SCAF4: variants seen among roughly 807,000 people sequenced by gnomAD.
The protein encoded by SCAF4 is SR-related CTD associated factor 4, also known as SR-related and CTD-associated factor 4.
Under a neutral mutation model 129.8 loss-of-function variants are expected in SCAF4, and 25 were observed. The observed-to-expected ratio is 0.19, with a 90% confidence interval of 0.14 to 0.27. The LOEUF (loss-of-function observed/expected upper bound fraction) is 0.27, where lower values mean the gene tolerates loss of function less well. Ranked by LOEUF, SCAF4 falls within the 10% of genes least tolerant of loss-of-function variation. The pLI is 1.00. For missense variants in SCAF4, 1,246 were observed against 1,457.1 expected (o/e 0.86, Z 2.36); for synonymous variants, 551 against 497.7 (o/e 1.11, Z -1.43).
At chr21:31,722,073 AT>A (rs1010572115) in intron 1 of SCAF4, among the ~76,000 whole-genome samples, 3 of 152,172 alleles carry the variant, frequency 2.0e-5, no homozygotes, top group African/African-American at 7.2e-5. Context: ...CCCCCAAAAT[AT>A]TTTGGCAATA....
intron 19 of SCAF4, among the ~76,000 whole-genome samples, chr21:31,675,909 G>A (rs78737450): frequency 0.019 from 2,867 of 152,258 alleles, 45 homozygotes; most frequent in Middle Eastern, 0.048. Context: ...AAGGAAGGTT[G>A]ATTTCATAGT....
intron 19 of SCAF4, among the ~76,000 whole-genome samples, chr21:31,678,879 C>T (rs1353979846): frequency 6.6e-6 from 1 of 152,250 alleles, no homozygotes; most frequent in East Asian, 1.9e-4. Flanking sequence ...CCCAGGTCTG[C>T]GAAAATATAA....
At chr21:31,704,939 G>C (rs1285726824) in intron 3 of SCAF4, among the ~76,000 whole-genome samples, 7 of 152,188 alleles carry the variant, frequency 4.6e-5, no homozygotes, top group Admixed American at 6.5e-5. Context: ...CTCCAGGTCA[G>C]GGGTTAAGAC....
At chr21:31,706,462 C>T (rs1202239528) in intron 1 of SCAF4, 105 bp from the exon 2 acceptor site, 2 of 753,564 alleles carry the variant, frequency 2.7e-6, no homozygotes, top group African/African-American at 1.8e-5. Context: ...ACAAACGGGG[C>T]CGGGGTGGTG....
intron 19 of SCAF4, among the ~76,000 whole-genome samples, chr21:31,676,120 G>A (rs1208438152): frequency 6.6e-6 from 1 of 152,136 alleles, no homozygotes; most frequent in Non-Finnish European, 1.5e-5. Flanking sequence ...ATTTTGCAGA[G>A]GATGCAAAAT....
At chr21:31,700,056 G>A (rs2050485137) in intron 7 of SCAF4, among the ~76,000 whole-genome samples, 1 of 151,626 alleles carries the variant, frequency 6.6e-6, no homozygotes, top group Non-Finnish European at 1.5e-5. Context: ...GAATTCCTGG[G>A]GCCAAGCAAC....
At chr21:31,699,549 ATG>A (rs2050471782) in intron 7 of SCAF4, among the ~76,000 whole-genome samples, 1 of 151,810 alleles carries the variant, frequency 6.6e-6, no homozygotes, top group Non-Finnish European at 1.5e-5. Flanking sequence ...ACTCAAAAAA[ATG>A]TATCCAACTT....
intron 1 of SCAF4, among the ~76,000 whole-genome samples, chr21:31,724,020 C>T (rs1266750108): frequency 2.0e-5 from 3 of 152,192 alleles, no homozygotes; most frequent in Admixed American, 2.0e-4. Flanking sequence ...GTACAGTGCA[C>T]TTTACTGGAA....
chr21:31,679,246 C>A (rs1422591176), intron 19 of SCAF4, among the ~76,000 whole-genome samples: 1 of 152,154 alleles, frequency 6.6e-6, no homozygotes, highest in Non-Finnish European at 1.5e-5. Flanking sequence ...TTTGCATGAA[C>A]TAAACATGAA....
intron 15 of SCAF4, 89 bp from the exon 16 acceptor site, chr21:31,688,553 C>A: frequency 9.3e-7 from 1 of 1,077,990 alleles, no homozygotes; most frequent in Non-Finnish European, 1.4e-6. Flanking sequence ...TTATAAAAAC[C>A]TAGCCCAGTT....
In SCAF4 at chr21:31,692,404, G is replaced by A; in HGVS notation, c.1559C>T (p.Thr520Ile). Reference protein sequence around the residue: ...LWVGQLDKRTTQQDVASLLEE... With the variant: ...LWVGQLDKRTIQQDVASLLEE... ...CAAGAGACTGGCAACATCCTGCTGA[G>A]TAGTTCTTTTGTCCAGCTGCCCCAC... The change falls in exon 13 of 20, where the codon ACT (threonine) becomes ATT (isoleucine). Residue 520 changes from threonine (T) to isoleucine (I), a missense_variant. Around this residue, in one of 6 missense-constraint regions of SCAF4, gnomAD observed 468 missense variants for 605.5 expected, o/e 0.77. Coordinates refer to ENST00000286835, the MANE Select transcript of SCAF4 (RefSeq NM_020706.2). 6.2e-7 allele frequency: 1 copy of A among 1,614,008 alleles called. No individual in the cohort carries two copies. Among genetic ancestry groups the A allele is most frequent in the Non-Finnish European group, 8.5e-7 (1 of 1,179,952 alleles).
chr21:31,708,812 T>G (rs1166859993), intron 1 of SCAF4, among the ~76,000 whole-genome samples: 1 of 152,190 alleles, frequency 6.6e-6, no homozygotes, highest in East Asian at 1.9e-4. Context: ...CTTAAGACAC[T>G]GCTATATTTT....
chr21:31,716,799 T>C (rs1241350240), intron 1 of SCAF4, among the ~76,000 whole-genome samples: 1 of 152,136 alleles, frequency 6.6e-6, no homozygotes, highest in African/African-American at 2.4e-5. Context: ...GGGTTAATAC[T>C]TTTTTAATAT....
chr21:31,706,890 G>T, intron 1 of SCAF4: 1 of 303,748 alleles, frequency 3.3e-6, no homozygotes. Flanking sequence ...TGTCTTATCA[G>T]TGGTCTCTGT....
intron 7 of SCAF4, among the ~76,000 whole-genome samples, chr21:31,700,471 A>G (rs2050497872): frequency 6.6e-6 from 1 of 152,006 alleles, no homozygotes; most frequent in Admixed American, 6.6e-5. Flanking sequence ...GGAATGGCTG[A>G]ACTGTAATGT....
At chr21:31,718,006 C>T (rs546312705) in intron 1 of SCAF4, among the ~76,000 whole-genome samples, 9 of 151,992 alleles carry the variant, frequency 5.9e-5, no homozygotes, top group African/African-American at 1.4e-4. Context: ...TGCAATGGCG[C>T]GATCTCGGCT....
In SCAF4 at chr21:31,671,573, G is replaced by C. The variant is rs201240032; in HGVS notation, c.3270C>G (p.Asn1090Lys). 1.5e-5 allele frequency: 24 copies of C among 1,614,140 alleles called. No individual in the cohort carries two copies. In the East Asian group the frequency reaches 5.1e-4, roughly 34 times the overall value. The change falls in exon 20 of 20, where the codon AAC becomes AAG. Residue 1090 changes from asparagine to lysine, a missense_variant. Around this residue, in one of 6 missense-constraint regions of SCAF4, gnomAD observed 339 missense variants for 325.0 expected, o/e 1.04. Transcript: ENST00000286835. ...GGCTAATGGGAGGTTCAACGGTTTT[G>C]TTACCACCTGCCCTGTCTGTCACCT... ...KPEVTDRAGG[N>K]KTVEPPISQV...
At chr21:31,679,774 A>C (rs1455339195) in intron 19 of SCAF4, among the ~76,000 whole-genome samples, 6 of 152,184 alleles carry the variant, frequency 3.9e-5, no homozygotes, top group Admixed American at 6.5e-5. Context: ...GAGAATGATT[A>C]CCTTTTTTAA....
At chr21:31,683,820 C>T (rs2050052048) in intron 19 of SCAF4, among the ~76,000 whole-genome samples, 1 of 152,086 alleles carries the variant, frequency 6.6e-6, no homozygotes, top group African/African-American at 2.4e-5. Flanking sequence ...AAGCAACTTC[C>T]TCATTAAACA....
Sources: allele counts gnomAD v4.1 joint callset (sites outside exome capture counted in the v4.1 genomes callset), GRCh38; gene constraint gnomAD v4.1.1; regional missense constraint gnomAD v4.1.1; transcripts MANE v1.5; gene names NCBI Gene and HGNC (gene_info 2026-07-23, HGNC 2026-07-21).